The following EXO1 variants were observed in gnomAD, a reference collection of about 807,000 sequenced individuals.
The protein encoded by EXO1 is exonuclease 1.
In EXO1, 69 loss-of-function variants were observed where a neutral mutation model predicts 84.5. The ratio of observed to expected loss-of-function variants is 0.82; its 90% CI spans 0.67 to 1.00. The LOEUF is 1.00. EXO1 is among the 50% of genes least tolerant of loss of function. The pLI, the probability that EXO1 is intolerant of heterozygous loss-of-function variation, is 0.00. For missense variants in EXO1, 1,045 were observed against 1,000.7 expected (o/e 1.04, Z -0.60); for synonymous variants, 373 against 366.1 (o/e 1.02, Z -0.21).
intron 6 of EXO1, among the ~76,000 whole-genome samples, chr1:241,855,859 G>T (rs1012654901): frequency 1.3e-5 from 2 of 152,258 alleles, no homozygotes; most frequent in Non-Finnish European, 2.9e-5. Flanking sequence ...GACAGGGCCG[G>T]CCGGCTGCTC....
chr1:241,883,724 T>C (rs762678610), intron 14 of EXO1, among the ~76,000 whole-genome samples: 37 of 94,294 alleles, frequency 3.9e-4, no homozygotes, highest in Non-Finnish European at 5.9e-4. Flanking sequence ...GAAAAATATG[T>C]TATTAACAAT....
intron 12 of EXO1, among the ~76,000 whole-genome samples, chr1:241,873,880 G>A (rs1662251659): frequency 6.6e-6 from 1 of 152,132 alleles, no homozygotes; most frequent in Non-Finnish European, 1.5e-5. Context: ...CCGGCACCAA[G>A]TACCTTCCCA....
intron 7 of EXO1, 24 bp downstream of exon 7, chr1:241,857,506 A>T: frequency 6.2e-7 from 1 of 1,601,246 alleles, no homozygotes; most frequent in Non-Finnish European, 8.5e-7. Context: ...ACTACTATAT[A>T]TTACTTTTCT....
intron 12 of EXO1, among the ~76,000 whole-genome samples, chr1:241,872,586 T>G (rs1662179692): frequency 6.6e-6 from 1 of 152,168 alleles, no homozygotes; most frequent in South Asian, 2.1e-4. Flanking sequence ...CTCCCATTTA[T>G]GAGCGAGAAC....
chr1:241,862,047 T>C (rs1661427482), intron 10 of EXO1, among the ~76,000 whole-genome samples: 1 of 152,200 alleles, frequency 6.6e-6, no homozygotes, highest in South Asian at 2.1e-4. Flanking sequence ...CGAGCAATTC[T>C]CCTGCCTCAG....
At chr1:241,869,725 T>A (rs999810013) in intron 11 of EXO1, among the ~76,000 whole-genome samples, 5 of 147,022 alleles carry the variant, frequency 3.4e-5, no homozygotes, top group Non-Finnish European at 6.0e-5. Context: ...ACATTCATCT[T>A]CCTTCCTTCC....
chr1:241,853,081 T>C (rs1216409737), intron 5 of EXO1, among the ~76,000 whole-genome samples: 1 of 152,244 alleles, frequency 6.6e-6, no homozygotes, highest in African/African-American at 2.4e-5. Context: ...AGTATCTTCG[T>C]TACTACATTT....
intron 11 of EXO1, among the ~76,000 whole-genome samples, chr1:241,868,540 T>G (rs1410948031): frequency 1.3e-5 from 2 of 152,054 alleles, no homozygotes; most frequent in African/African-American, 4.8e-5. Context: ...TGGTGACGTG[T>G]GTCTGTAGTC....
At chr1:241,849,260 T>G (rs929333060) in intron 3 of EXO1, 44 bp downstream of exon 3, 2 of 152,240 alleles carry the variant, frequency 1.3e-5, no homozygotes, top group African/African-American at 4.8e-5. Context: ...TTCCTTTCCT[T>G]CCAAACTTAA....
In EXO1 at chr1:241,861,491, G is replaced by C; in HGVS notation, c.1030G>C (p.Asp344His). ...TFEQIDDYNP[D>H]TAMPAHSRSH... ...TGAACAGATCGATGACTACAATCCA[G>C]ACACTGCTATGGTAACGTTTTGATG... is the stretch of plus-strand genomic sequence containing the variant. The change falls in exon 10 of 16, where the codon GAC becomes CAC. Residue 344 changes from aspartate (D) to histidine (H), a missense_variant. Asp to His is a moderately conservative substitution (Grantham distance 81). Transcript: ENST00000366548. 6.4e-7 allele frequency: 1 copy of C among 1,566,364 alleles called. No homozygotes were observed. Among genetic ancestry groups the C allele is most frequent in the Non-Finnish European group, 8.8e-7 (1 of 1,136,464 alleles).
chr1:241,855,658 G>A (rs989773164), intron 6 of EXO1, among the ~76,000 whole-genome samples: 1 of 152,230 alleles, frequency 6.6e-6, no homozygotes. Flanking sequence ...AGGCTCGGGC[G>A]GCACAGGAGC....
chr1:241,866,955 A>G lies in EXO1; in HGVS notation c.1167A>G (p.Gln389=), dbSNP rs774688889. ...CGGGTACTGTTTCAGATGCCCCACA[A>G]TTGAAGGAAAATCCAAGTACTGTGG... The part of the protein sequence containing the change: ...PESGTVSDAP[Q]LKENPSTVGV... Residue 389 remains glutamine, a synonymous_variant, in exon 11 of 16, where the codon CAA becomes CAG. Transcript: ENST00000366548. 6 of 1,613,964 alleles carry G rather than the reference A, an allele frequency of 3.7e-6. No homozygotes were observed. The highest frequency in any genetic ancestry group is 1.3e-5 in the African/African-American group (1 of 74,936).
At chr1:241,869,344 G>C (rs1661938951) in intron 11 of EXO1, among the ~76,000 whole-genome samples, 1 of 152,202 alleles carries the variant, frequency 6.6e-6, no homozygotes, top group Non-Finnish European at 1.5e-5. Flanking sequence ...ATATTGAACA[G>C]AAGTGCTGAG....
chr1:241,850,301 A>G, intron 3 of EXO1, 108 bp from the exon 4 acceptor site: 1 of 813,142 alleles, frequency 1.2e-6, no homozygotes, highest in Non-Finnish European at 2.0e-6. Flanking sequence ...AAAACAACAA[A>G]CCAATTTCTG....
chr1:241,859,556 G>A (rs997271976), intron 8 of EXO1, among the ~76,000 whole-genome samples: 5 of 152,218 alleles, frequency 3.3e-5, no homozygotes, highest in South Asian at 4.1e-4. Context: ...GTGTGGAAAC[G>A]TAAATGGATT....
intron 12 of EXO1, among the ~76,000 whole-genome samples, chr1:241,876,213 T>C (rs938839473): frequency 6.6e-6 from 1 of 152,264 alleles, no homozygotes; most frequent in Non-Finnish European, 1.5e-5. Context: ...CTCTGTCAGC[T>C]TTCTGTGAGA....
chr1:241,881,773 C>T (rs1326147128), intron 13 of EXO1, 143 bp from the exon 14 acceptor site: 18 of 512,242 alleles, frequency 3.5e-5, no homozygotes, highest in African/African-American at 5.9e-5. Context: ...CAAATATCAT[C>T]CTTTCCATAT....
At chr1:241,864,866 ATTTC>A (rs1210417007) in intron 10 of EXO1, among the ~76,000 whole-genome samples, 2 of 147,464 alleles carry the variant, frequency 1.4e-5, no homozygotes, top group African/African-American at 5.0e-5. Flanking sequence ...AGTATTTATC[ATTTC>A]TTTCTTTCTT....
At chr1:241,862,192 C>G (rs1382759749) in intron 10 of EXO1, among the ~76,000 whole-genome samples, 1 of 152,204 alleles carries the variant, frequency 6.6e-6, no homozygotes, top group Non-Finnish European at 1.5e-5. Flanking sequence ...CCCACCTCGG[C>G]CTCCCAAAGC....
Sources: gnomAD v4.1 joint callset for allele counts (sites outside exome capture counted in the v4.1 genomes callset) on GRCh38, gnomAD v4.1.1 for gene constraint, MANE v1.5 for transcripts, NCBI Gene and HGNC (gene_info 2026-07-23, HGNC 2026-07-21) for gene names.